The following DCUN1D1 variants were observed in gnomAD, a reference collection of about 807,000 sequenced individuals.
DCUN1D1 encodes the protein DCN1-like protein 1.
Under a neutral mutation model 39.0 loss-of-function variants are expected in DCUN1D1, and 3 were observed. The ratio of observed to expected loss-of-function variants is 0.08; its 90% confidence interval spans 0.04 to 0.20. The LOEUF (loss-of-function observed/expected upper bound fraction) is 0.20. Ranked by LOEUF, DCUN1D1 falls within the 10% of genes least tolerant of loss-of-function variation. DCUN1D1 has a pLI of 1.00. For missense variants in DCUN1D1, 158 were observed against 302.4 expected (o/e 0.52, Z 3.54); for synonymous variants, 82 against 96.3 (o/e 0.85, Z 0.87).
At chr3:182,947,172 G>A (rs1432962746) in intron 6 of DCUN1D1, 66 bp downstream of exon 6, 3 of 785,450 alleles carry the variant, frequency 3.8e-6, no homozygotes, top group Non-Finnish European at 6.1e-6. Flanking sequence ...AAGTACCTAA[G>A]AAGTTCAAGG....
At chr3:182,958,804 AAT>A (rs1159856151) in intron 4 of DCUN1D1, among the ~76,000 whole-genome samples, 5 of 152,292 alleles carry the variant, frequency 3.3e-5, no homozygotes, top group Admixed American at 2.0e-4. Flanking sequence ...TAATATATCC[AAT>A]AGTTATAAAA....
At chr3:182,983,210 C>T (rs1206182078), upstream of DCUN1D1, among the ~76,000 whole-genome samples, 1 of 152,186 alleles carries the variant, frequency 6.6e-6, no homozygotes, top group Admixed American at 6.5e-5. Flanking sequence ...TGCCATACCT[C>T]TGCATGTTTC....
intron 4 of DCUN1D1, among the ~76,000 whole-genome samples, chr3:182,958,076 T>C (rs1026399446): frequency 1.3e-5 from 2 of 152,138 alleles, no homozygotes; most frequent in African/African-American, 2.4e-5. Context: ...TCTTCTCCTA[T>C]GATCTTCTAA....
intron 4 of DCUN1D1, 75 bp downstream of exon 4, chr3:182,961,151 T>C (rs1727361145): frequency 9.4e-7 from 1 of 1,064,908 alleles, no homozygotes. Flanking sequence ...CACATAACTT[T>C]CTATTACAAA....
Position 182,941,056 on chromosome 3 carries a change from A to G in DCUN1D1, c.*4038T>C, listed in dbSNP as rs529667137. On this transcript the variant is annotated 3_prime_UTR_variant, in exon 7 of 7. Transcript: ENST00000292782. ...CACATTAATAGGAAACACTGAACCTAGTCAAATAAATGAGTTGGTGAGCAA... is the reference window on the plus strand; with the variant it reads ...CACATTAATAGGAAACACTGAACCTGGTCAAATAAATGAGTTGGTGAGCAA... 6.6e-6 allele frequency: 1 copy of G among 152,320 alleles called. No homozygotes were observed. Among genetic ancestry groups the G allele is most frequent in the East Asian group, 1.9e-4 (1 of 5,188 alleles). 9.4% of individuals were successfully genotyped at this position (152,320 alleles called of 1,614,324 possible).
At chr3:182,958,913 GTAAAGGGTAGCGATATAAC>G (rs1727233351) in intron 4 of DCUN1D1, among the ~76,000 whole-genome samples, 1 of 152,058 alleles carries the variant, frequency 6.6e-6, no homozygotes, top group African/African-American at 2.4e-5. Context: ...TTGTGCTCCA[GTAAAGGGTAGCGATATAAC>G]TAAGAAATAG....
At chr3:182,955,544 G>T (rs1438177114) in intron 4 of DCUN1D1, 8 of 527,794 alleles carry the variant, frequency 1.5e-5, no homozygotes, top group Admixed American at 9.8e-5. Context: ...TATTTTACAT[G>T]CCACTCAAGA....
intron 1 of DCUN1D1, among the ~76,000 whole-genome samples, chr3:182,977,547 C>T (rs7372407): frequency 0.92 from 139,674 of 152,044 alleles, 64,207 homozygotes; most frequent in East Asian, 0.97. Context: ...GTGATTCTCC[C>T]GCCTCAGCCT....
intron 4 of DCUN1D1, among the ~76,000 whole-genome samples, chr3:182,949,864 C>A (rs187822385): frequency 2.6e-5 from 4 of 152,314 alleles, no homozygotes; most frequent in African/African-American, 9.6e-5. Context: ...CTGAAATACA[C>A]AGTAGGCATT....
At chr3:182,955,033 CTTAAA>C (rs770556157) in intron 4 of DCUN1D1, among the ~76,000 whole-genome samples, 2 of 150,560 alleles carry the variant, frequency 1.3e-5, no homozygotes, top group Non-Finnish European at 3.0e-5. Context: ...ATTTCACATT[CTTAAA>C]TTGACTTTTT....
rs1273697242 is a variant in DCUN1D1 at position 182,978,345 on chromosome 3, T to C, written c.3+2142A>G. 3.3e-5 allele frequency among the ~76,000 whole-genome samples: 5 copies of C among 152,172 alleles called. No homozygotes were observed. The East Asian group carries it at 9.6e-4, about 29-fold the overall frequency. On this transcript the variant is annotated intron_variant, in intron 1 of 6. Coordinates refer to ENST00000292782, the MANE Select transcript of DCUN1D1 (RefSeq NM_020640.4). ...AACTTCTTAACTATAAAATTCTTAC[T>C]GCCTAACTTCGATTAGGGCCAGTGG...
At chr3:182,949,894 A>C (rs959220270) in intron 4 of DCUN1D1, among the ~76,000 whole-genome samples, 6 of 152,212 alleles carry the variant, frequency 3.9e-5, no homozygotes, top group African/African-American at 1.2e-4. Flanking sequence ...CTAAGTCGAC[A>C]AACTTCCTAT....
intron 1 of DCUN1D1, among the ~76,000 whole-genome samples, chr3:182,973,677 T>G (rs950280969): frequency 4.0e-5 from 6 of 150,684 alleles, no homozygotes; most frequent in East Asian, 4.0e-4. Flanking sequence ...CATGGTGGCG[T>G]GCGCCTGTAA....
chr3:182,974,472 C>CAAA (rs35338278), intron 1 of DCUN1D1, among the ~76,000 whole-genome samples: 1 of 142,252 alleles, frequency 7.0e-6, no homozygotes, highest in Admixed American at 6.9e-5. Context: ...TTACTGAGGC[C>CAAA]AAAAAAAAAA....
At chr3:182,963,363 G>A (rs951010618) in intron 3 of DCUN1D1, among the ~76,000 whole-genome samples, 1 of 152,290 alleles carries the variant, frequency 6.6e-6, no homozygotes, top group South Asian at 2.1e-4. Flanking sequence ...CCTACCAACA[G>A]ACTGATTACT....
chr3:182,983,487 G>A (rs976406523), upstream of DCUN1D1, among the ~76,000 whole-genome samples: 34 of 152,298 alleles, frequency 2.2e-4, no homozygotes, highest in South Asian at 5.4e-3. Flanking sequence ...ATGCCAAGGC[G>A]GGCAGATAAC....
At chr3:182,951,517 G>C (rs534478369) in intron 4 of DCUN1D1, among the ~76,000 whole-genome samples, 1 of 147,324 alleles carries the variant, frequency 6.8e-6, no homozygotes, top group Non-Finnish European at 1.5e-5. Context: ...TCAAGAGGTT[G>C]AGGCAGGAAG....
chr3:182,956,761 A>T (rs951181058), intron 4 of DCUN1D1, among the ~76,000 whole-genome samples: 2 of 152,256 alleles, frequency 1.3e-5, no homozygotes, highest in Non-Finnish European at 2.9e-5. Flanking sequence ...TAGTCTAATA[A>T]AAGTTCAGTA....
rs1328368220 is a variant in DCUN1D1 at position 182,963,976 on chromosome 3, G to C, written c.294C>G (p.Ala98=). 1 of 1,613,888 alleles carries C rather than the reference G, an allele frequency of 6.2e-7. No homozygotes were observed. The highest frequency in any genetic ancestry group is 1.3e-5 in the African/African-American group (1 of 74,908). ...ACGCAATAATCAACACACTAATGCT[G>C]GCTGGATCGAGTGCCAGGTCATCAC... ...QFCDDLALDP[A]SISVLIIAWK... Residue 98 remains alanine, a synonymous_variant, in exon 3 of 7, where the codon GCC becomes GCG. Transcript: ENST00000292782.
Sources: allele counts gnomAD v4.1 joint callset (sites outside exome capture counted in the v4.1 genomes callset), GRCh38; gene constraint gnomAD v4.1.1; transcripts MANE v1.5; gene names NCBI Gene and HGNC (gene_info 2026-07-23, HGNC 2026-07-21).